Variants in CFAP47 observed in about 807,000 individuals in gnomAD.
CFAP47 encodes cilia- and flagella-associated protein 47.
CFAP47 carries 29 observed loss-of-function variants against 148.1 expected under a neutral mutation model. That is an observed-to-expected ratio of 0.20 (90% CI 0.15 to 0.27). The LOEUF is 0.27. Ranked by LOEUF, CFAP47 falls within the 10% of genes least tolerant of loss-of-function variation. CFAP47 has a pLI of 1.00. For synonymous variants in CFAP47, 664 were observed against 577.3 expected, an observed-to-expected ratio of 1.15 and a Z score of -2.15; for missense variants, 1,872 against 1,697.5, an observed-to-expected ratio of 1.10 and a Z score of -1.81.
At chrX:36,151,176 G>A (rs965983901) in intron 37 of CFAP47, among the ~76,000 whole-genome samples, 1 of 111,728 alleles carries the variant, frequency 9.0e-6, no homozygotes, top group Non-Finnish European at 1.9e-5. Context: ...TCCTGTTAAG[G>A]AAGTTCATAT....
chrX:36,205,317 G>A (rs1402845135), intron 45 of CFAP47, among the ~76,000 whole-genome samples: 1 of 111,984 alleles, frequency 8.9e-6, no homozygotes, highest in Non-Finnish European at 1.9e-5. Flanking sequence ...TCAAAATTAT[G>A]TACTGAATTT....
At chrX:36,138,547 C>T in intron 35 of CFAP47, 83 bp downstream of exon 35, 1 of 990,012 alleles carries the variant, frequency 1.0e-6, no homozygotes, top group Non-Finnish European at 1.3e-6. Flanking sequence ...TTGCTTTGTT[C>T]ATATTTTTGA....
intron 23 of CFAP47, among the ~76,000 whole-genome samples, chrX:36,033,209 G>A (rs1029033362): frequency 8.9e-6 from 1 of 111,931 alleles, no homozygotes; most frequent in Non-Finnish European, 1.9e-5. Context: ...AGCCATATTG[G>A]CGTCACATTT....
intron 39 of CFAP47, among the ~76,000 whole-genome samples, chrX:36,161,923 A>G (rs1055624490): frequency 4.5e-5 from 5 of 112,315 alleles, no homozygotes; most frequent in Admixed American, 9.4e-5. Context: ...TTAAAGTGAT[A>G]CATTGGAGTA....
intron 62 of CFAP47, among the ~76,000 whole-genome samples, chrX:36,374,302 C>T (rs782649103): frequency 2.7e-5 from 3 of 109,968 alleles, no homozygotes; most frequent in South Asian, 3.9e-4. Context: ...TATACATTTC[C>T]TTCTTGGTTT....
intron 44 of CFAP47, among the ~76,000 whole-genome samples, chrX:36,203,337 C>T (rs1051999355): frequency 1.4e-4 from 15 of 111,051 alleles, no homozygotes; most frequent in African/African-American, 4.3e-4. Flanking sequence ...ATAATGCCCT[C>T]CCATTTTCTT....
chrX:35,943,942 A>C (rs977597582), intron 3 of CFAP47, among the ~76,000 whole-genome samples: 1 of 111,369 alleles, frequency 9.0e-6, no homozygotes, highest in Non-Finnish European at 1.9e-5. Flanking sequence ...TTTCTACTAC[A>C]GTATTATAAC....
chrX:36,044,217 T>G (rs187471245), intron 25 of CFAP47, among the ~76,000 whole-genome samples: 1 of 113,142 alleles, frequency 8.8e-6, no homozygotes, highest in Admixed American at 9.3e-5. Flanking sequence ...GAGGGGCTGT[T>G]ATGAAGATCT....
At chrX:35,951,105 T>C (rs1224449648) in intron 4 of CFAP47, 26 bp from the exon 5 acceptor site, 1 of 1,030,707 alleles carries the variant, frequency 9.7e-7, no homozygotes, top group South Asian at 1.9e-5. Context: ...AATATGTATG[T>C]ATGTGCATAT....
In CFAP47 at chrX:36,201,054, A is replaced by G. The variant is rs192816029; in HGVS notation, c.6437-220A>G. Among the ~76,000 whole-genome samples, 535 of 111,278 alleles carry G rather than the reference A, an allele frequency of 4.8e-3. 1 individual carries two copies. Among genetic ancestry groups the G allele is most frequent in the African/African-American group, 0.017 (509 of 30,657 alleles). On this transcript the variant is annotated intron_variant, in intron 43 of 63. Coordinates refer to ENST00000378653, the MANE Select transcript of CFAP47 (RefSeq NM_001304548.2). Reference sequence around the variant, plus strand: ...GTTTATATGGACCAATCATTTGACTAGATCTCTTAGAGAATACCAATAATC... The same window carrying G: ...GTTTATATGGACCAATCATTTGACTGGATCTCTTAGAGAATACCAATAATC...
chrX:36,091,575 T>C (rs779280495), intron 30 of CFAP47, among the ~76,000 whole-genome samples: 106 of 111,447 alleles, frequency 9.5e-4, no homozygotes, highest in African/African-American at 3.4e-3. Context: ...ACAGAAGTAA[T>C]GTGCATGAGG....
At chrX:36,125,357 C>T (rs897411008) in intron 33 of CFAP47, among the ~76,000 whole-genome samples, 1 of 110,802 alleles carries the variant, frequency 9.0e-6, no homozygotes, top group Non-Finnish European at 1.9e-5. Flanking sequence ...CTGCATCGGC[C>T]CTGGAAATTA....
At chrX:36,234,828 C>A (rs1444466100) in intron 46 of CFAP47, among the ~76,000 whole-genome samples, 2 of 111,815 alleles carry the variant, frequency 1.8e-5, no homozygotes, top group Admixed American at 9.5e-5. Context: ...AGTTTTCCTT[C>A]TAAGAGACAG....
chrX:36,262,794 T>A (rs951515838), intron 49 of CFAP47, among the ~76,000 whole-genome samples: 2 of 112,173 alleles, frequency 1.8e-5, no homozygotes, highest in African/African-American at 3.2e-5. Flanking sequence ...ACCTCTAAAC[T>A]GTTCTTCACG....
intron 29 of CFAP47, among the ~76,000 whole-genome samples, chrX:36,084,562 A>G (rs1358728725): frequency 5.4e-5 from 6 of 111,780 alleles, no homozygotes; most frequent in Non-Finnish European, 1.1e-4. Context: ...TTATTTGTCA[A>G]TCTAAGCAAG....
chrX:36,163,804 G>A (rs374492480), intron 39 of CFAP47, among the ~76,000 whole-genome samples: 2 of 110,931 alleles, frequency 1.8e-5, no homozygotes, highest in South Asian at 7.6e-4. Flanking sequence ...GAGATGAGGT[G>A]TCACCATATT....
intron 2 of CFAP47, among the ~76,000 whole-genome samples, chrX:35,930,910 T>G (rs1189794607): frequency 8.9e-6 from 1 of 111,736 alleles, no homozygotes; most frequent in African/African-American, 3.2e-5. Context: ...TTGACTTTCC[T>G]TTCATTTTAT....
At chrX:36,254,042 TGAGA>T (rs1555998592) in intron 49 of CFAP47, among the ~76,000 whole-genome samples, 7 of 112,197 alleles carry the variant, frequency 6.2e-5, no homozygotes, top group South Asian at 7.3e-4. Flanking sequence ...TCCTTCTTCC[TGAGA>T]ATTCACATCT....
At position 36,385,273 on chromosome X, in the gene CFAP47, T is replaced by C. The variant is rs1277216621; in HGVS notation, c.*267T>C. The C allele has an allele frequency of 3.9e-6, 1 of 259,391 alleles. No homozygotes were observed. Among genetic ancestry groups the C allele is most frequent in the Non-Finnish European group, 6.7e-6 (1 of 148,261 alleles). The allele number at this position is 259,391 out of a possible 1,213,427, so 21.4% of individuals were successfully genotyped here. On this transcript the variant is annotated 3_prime_UTR_variant, in exon 64 of 64. Coordinates refer to ENST00000378653, the MANE Select transcript of CFAP47 (RefSeq NM_001304548.2). ...CGAAATATAATTTAAATGACAACAG[T>C]ATTTCCAATAACAGCGTTGCTAATA...
Sources: allele counts gnomAD v4.1 joint callset (sites outside exome capture counted in the v4.1 genomes callset), GRCh38; gene constraint gnomAD v4.1.1; transcripts MANE v1.5; gene names NCBI Gene and HGNC (gene_info 2026-07-23, HGNC 2026-07-21).